BRINP3: variants seen among roughly 807,000 people sequenced by gnomAD.
BRINP3 encodes BMP/retinoic acid-inducible neural-specific protein 3.
In BRINP3, 19 loss-of-function variants were observed where a neutral mutation model predicts 71.0. The ratio of observed to expected loss-of-function variants is 0.27; its 90% CI spans 0.19 to 0.39. The LOEUF is 0.39. Among genes scored for constraint, BRINP3 ranks in the 10% least tolerant of loss-of-function variants. The pLI, the probability that BRINP3 is intolerant of heterozygous loss-of-function variation, is 1.00. For synonymous variants in BRINP3, 380 were observed against 337.7 expected, an observed-to-expected ratio of 1.13 and a Z score of -1.37; for missense variants, 959 against 940.8, an observed-to-expected ratio of 1.02 and a Z score of -0.25.
At chr1:190,295,873 C>A (rs532479255) in intron 2 of BRINP3, among the ~76,000 whole-genome samples, 1 of 152,162 alleles carries the variant, frequency 6.6e-6, no homozygotes, top group Non-Finnish European at 1.5e-5. Flanking sequence ...GTCTTCAATT[C>A]CCCTCTTTTG....
intron 2 of BRINP3, among the ~76,000 whole-genome samples, chr1:190,296,972 A>G (rs1664297981): frequency 6.6e-6 from 1 of 152,168 alleles, no homozygotes; most frequent in African/African-American, 2.4e-5. Context: ...TAAAATGTTC[A>G]TGCTATCCAA....
At chr1:190,160,550 T>C in intron 7 of BRINP3, 118 bp downstream of exon 7, 1 of 745,220 alleles carries the variant, frequency 1.3e-6, no homozygotes, top group South Asian at 2.2e-5. Context: ...TCAAATTATC[T>C]CTAATAGTAT....
chr1:190,429,174 A>C (rs1163595677), intron 2 of BRINP3, among the ~76,000 whole-genome samples: 2 of 152,202 alleles, frequency 1.3e-5, no homozygotes, highest in Non-Finnish European at 2.9e-5. Context: ...AGCAATATTA[A>C]AATTGAGAAT....
At chr1:190,329,504 A>G (rs1443576490) in intron 2 of BRINP3, among the ~76,000 whole-genome samples, 1 of 151,786 alleles carries the variant, frequency 6.6e-6, no homozygotes, top group Admixed American at 6.6e-5. Flanking sequence ...CTACACAGCT[A>G]CAAAATACTG....
At chr1:190,405,113 A>G (rs767502688) in intron 2 of BRINP3, among the ~76,000 whole-genome samples, 8 of 152,168 alleles carry the variant, frequency 5.3e-5, no homozygotes, top group Non-Finnish European at 8.8e-5. Context: ...AGGATTAATT[A>G]TTCCACATTT....
intron 6 of BRINP3, among the ~76,000 whole-genome samples, chr1:190,163,362 T>C (rs1651189444): frequency 6.6e-6 from 1 of 152,048 alleles, no homozygotes; most frequent in Non-Finnish European, 1.5e-5. Context: ...AACAAATCAA[T>C]ACCATGTAAA....
At chr1:190,318,671 G>T (rs1337200578) in intron 2 of BRINP3, among the ~76,000 whole-genome samples, 1 of 151,668 alleles carries the variant, frequency 6.6e-6, no homozygotes, top group Non-Finnish European at 1.5e-5. Flanking sequence ...ATTTCACAGA[G>T]ATTTTTTTTT....
At chr1:190,377,933 TTAAGA>T (rs1670286160) in intron 2 of BRINP3, among the ~76,000 whole-genome samples, 1 of 152,098 alleles carries the variant, frequency 6.6e-6, no homozygotes, top group South Asian at 2.1e-4. Flanking sequence ...TGTAGTCTTG[TTAAGA>T]TAACACTACT....
chr1:190,255,238 T>G (rs75609683), intron 4 of BRINP3, among the ~76,000 whole-genome samples: 7 of 145,150 alleles, frequency 4.8e-5, no homozygotes, highest in East Asian at 4.0e-4. Context: ...AATTCTCTCT[T>G]TTTTTTTTTT....
intron 7 of BRINP3, among the ~76,000 whole-genome samples, chr1:190,156,062 GA>G (rs1656838927): frequency 6.6e-6 from 1 of 152,032 alleles, no homozygotes; most frequent in South Asian, 2.1e-4. Flanking sequence ...CTACCTCAAG[GA>G]AACCAAATTG....
At chr1:190,177,224 G>A (rs368477389) in intron 6 of BRINP3, among the ~76,000 whole-genome samples, 40 of 139,612 alleles carry the variant, frequency 2.9e-4, no homozygotes, top group Non-Finnish European at 5.0e-4. Context: ...GTGCAGTGGC[G>A]CGGTCTCCAC....
In BRINP3 at chr1:190,350,925, C is replaced by T. The variant is rs151304870; in HGVS notation, c.237-69175G>A. Among the ~76,000 whole-genome samples the T allele has an allele frequency of 5.7e-3, 865 of 151,354 alleles. 6 individuals carry two copies. Among genetic ancestry groups the T allele is most frequent in the African/African-American group, 0.019 (777 of 41,216 alleles). On this transcript the variant is annotated intron_variant, in intron 2 of 7. Coordinates refer to ENST00000367462, the MANE Select transcript of BRINP3 (RefSeq NM_199051.3). ...GCAACCTCCGTCTCCCATGTTGAAG[C>T]GGTTCTCCTGCCTCAGCCTCCCAAG...
At chr1:190,326,024 T>C (rs1328628960) in intron 2 of BRINP3, among the ~76,000 whole-genome samples, 3 of 151,824 alleles carry the variant, frequency 2.0e-5, no homozygotes, top group Admixed American at 2.0e-4. Flanking sequence ...AGGTTGAAAA[T>C]TGACACAAAG....
At chr1:190,301,166 CAT>C (rs1266032791) in intron 2 of BRINP3, among the ~76,000 whole-genome samples, 584 of 38,050 alleles carry the variant, frequency 0.015, 7 homozygotes, top group African/African-American at 0.034. Flanking sequence ...TATATATATA[CAT>C]ATATATACAT....
chr1:190,338,068 C>T (rs999840763), intron 2 of BRINP3, among the ~76,000 whole-genome samples: 1 of 151,996 alleles, frequency 6.6e-6, no homozygotes, highest in African/African-American at 2.4e-5. Context: ...CTCCCTATTG[C>T]AATGATTCAA....
chr1:190,435,278 A>T (rs1197922334), intron 2 of BRINP3, among the ~76,000 whole-genome samples: 1 of 152,116 alleles, frequency 6.6e-6, no homozygotes, highest in East Asian at 1.9e-4. Context: ...GTGTGGAATA[A>T]GATTGAGCTA....
chr1:190,118,818 CT>C (rs975985515), intron 7 of BRINP3, among the ~76,000 whole-genome samples: 1 of 152,072 alleles, frequency 6.6e-6, no homozygotes. Context: ...GGGAAAAAGA[CT>C]TTTTGTTTTT....
chr1:190,117,948 A>G (rs1402164484), intron 7 of BRINP3, among the ~76,000 whole-genome samples: 1 of 152,082 alleles, frequency 6.6e-6, no homozygotes, highest in Admixed American at 6.6e-5. Context: ...GATGTATTCC[A>G]TGTGGTATCA....
chr1:190,420,135 G>A (rs2102454436), intron 2 of BRINP3, among the ~76,000 whole-genome samples: 2 of 152,132 alleles, frequency 1.3e-5, no homozygotes, highest in African/African-American at 4.8e-5. Context: ...GTGTATTAGT[G>A]TCTTGAAGCA....
Sources: allele counts gnomAD v4.1 joint callset (sites outside exome capture counted in the v4.1 genomes callset), GRCh38; gene constraint gnomAD v4.1.1; transcripts MANE v1.5; gene names NCBI Gene and HGNC (gene_info 2026-07-23, HGNC 2026-07-21).